The following THSD7A variants were observed in gnomAD, a reference collection of about 807,000 sequenced individuals.
The protein encoded by THSD7A is thrombospondin type 1 domain containing 7A, also known as thrombospondin type-1 domain-containing protein 7A.
In THSD7A, 96 loss-of-function variants were observed where a neutral mutation model predicts 231.3. That is an observed-to-expected ratio of 0.41 (90% CI 0.35 to 0.49). The LOEUF is 0.49. THSD7A is among the 20% of genes least tolerant of loss of function. The probability of loss-of-function intolerance (pLI) is 0.05; values close to 1 mark genes in which losing one functional copy is unlikely to be tolerated. For missense variants in THSD7A, 2,290 were observed against 2,070.2 expected, an observed-to-expected ratio of 1.11 and a Z score of -2.06; for synonymous variants, 940 against 743.3, an observed-to-expected ratio of 1.26 and a Z score of -4.30.
chr7:11,628,264 G>T (rs544290765), intron 2 of THSD7A, among the ~76,000 whole-genome samples: 5 of 152,094 alleles, frequency 3.3e-5, no homozygotes, highest in Non-Finnish European at 2.9e-5. Context: ...GACCTTTATA[G>T]GTTTTCTCCA....
At chr7:11,599,158 C>T (rs1181860758) in intron 2 of THSD7A, among the ~76,000 whole-genome samples, 1 of 152,168 alleles carries the variant, frequency 6.6e-6, no homozygotes, top group Non-Finnish European at 1.5e-5. Flanking sequence ...GCATGGAATA[C>T]AGGAGATCAA....
intron 6 of THSD7A, among the ~76,000 whole-genome samples, chr7:11,532,813 T>A (rs1022584184): frequency 1.3e-5 from 2 of 152,184 alleles, no homozygotes; most frequent in African/African-American, 4.8e-5. Context: ...GCAATTGGAA[T>A]TTAGAAGATG....
At chr7:11,595,437 T>G (rs1780326645) in intron 2 of THSD7A, among the ~76,000 whole-genome samples, 1 of 152,180 alleles carries the variant, frequency 6.6e-6, no homozygotes, top group Non-Finnish European at 1.5e-5. Context: ...GCATTTAATG[T>G]TCCAGCTTGG....
chr7:11,547,515 A>G (rs1416095095), intron 4 of THSD7A, among the ~76,000 whole-genome samples: 1 of 152,246 alleles, frequency 6.6e-6, no homozygotes, highest in Non-Finnish European at 1.5e-5. Flanking sequence ...AGACCTCCAC[A>G]GAACATTCCA....
chr7:11,406,363 C>T lies in THSD7A; in HGVS notation c.4174G>A (p.Glu1392Lys), dbSNP rs745348090. 3.7e-6 allele frequency: 6 copies of T among 1,613,936 alleles called. No individual in the cohort carries two copies. In the South Asian group the frequency reaches 4.4e-5, roughly 12 times the overall value. Residue 1392 changes from glutamate (E) to lysine (K), a missense_variant, in exon 22 of 28, where the codon GAA (glutamate) becomes AAA (lysine). Coordinates refer to ENST00000423059, the MANE Select transcript of THSD7A (RefSeq NM_015204.3). This position sits in a 1 kb window ranked among gnomAD's most constrained non-coding sequence, Gnocchi z 4.7. Reference sequence around the variant, plus strand: ...TTTTTATTACCATCTATAATGAGTTCAATGTCAGCACAGAATTCCTCATCC... The same window carrying T: ...TTTTTATTACCATCTATAATGAGTTTAATGTCAGCACAGAATTCCTCATCC... ...VVDEEFCADI[E>K]LIIDGNKNMV...
chr7:11,469,897 G>A lies in THSD7A; in HGVS notation c.2350C>T (p.Pro784Ser), dbSNP rs1468763040. 2 of 1,597,140 alleles carry A rather than the reference G, an allele frequency of 1.3e-6. No individual in the cohort carries two copies. The highest frequency in any genetic ancestry group is 1.3e-5 in the African/African-American group (1 of 74,788). The change falls in exon 9 of 28, where the codon CCC becomes TCC. Residue 784 changes from proline (P) to serine (S), a missense_variant. Transcript: ENST00000423059. ...VTPYSDWTSC[P>S]SSCKEGDSSI... ...ACCATACCTTCTTTACACGAAGAGG[G>A]GCATGATGTCCAGTCACTATATGGG...
chr7:11,635,681 T>C (rs2128359849), intron 2 of THSD7A, among the ~76,000 whole-genome samples: 1 of 152,242 alleles, frequency 6.6e-6, no homozygotes, highest in Middle Eastern at 3.4e-3. Flanking sequence ...CCCTGGGTTG[T>C]TGTTTAGAGC....
intron 4 of THSD7A, among the ~76,000 whole-genome samples, chr7:11,572,121 T>A (rs1383885933): frequency 6.6e-6 from 1 of 152,226 alleles, no homozygotes; most frequent in African/African-American, 2.4e-5. Context: ...CATCTCACTA[T>A]GTTGCCCAGG....
rs1421492474 is a variant in THSD7A at position 11,412,708 on chromosome 7, T to C, written c.3630A>G (p.Lys1210=). The C allele has an allele frequency of 6.2e-7, 1 of 1,613,868 alleles. No individual in the cohort carries two copies. The highest frequency in any genetic ancestry group is 1.7e-5 in the Admixed American group (1 of 59,988). Residue 1210 remains lysine, a synonymous_variant, in exon 18 of 28, where the codon AAA becomes AAG. Transcript: ENST00000423059. ...AGTTTTTGTTCAGGTTACAGGGTTC[T>C]TTCTCAACAGCATTAGGGCAAGATC... ...EGRSCPNAVE[K]EPCNLNKNCY...
chr7:11,646,297 T>C (rs878930333), intron 1 of THSD7A, among the ~76,000 whole-genome samples: 1 of 151,950 alleles, frequency 6.6e-6, no homozygotes, highest in South Asian at 2.1e-4. Flanking sequence ...GAAAGCAAAC[T>C]TGAGAGTTAT....
chr7:11,748,193 G>A (rs1375286781), intron 1 of THSD7A, among the ~76,000 whole-genome samples: 1 of 151,882 alleles, frequency 6.6e-6, no homozygotes, highest in Non-Finnish European at 1.5e-5. Context: ...AATGGAGATG[G>A]GTGGGTCATT....
chr7:11,682,368 G>A (rs556657572), intron 1 of THSD7A, among the ~76,000 whole-genome samples: 14 of 152,184 alleles, frequency 9.2e-5, no homozygotes, highest in African/African-American at 3.4e-4. Context: ...TATCTCAAAT[G>A]TAATGATGCC....
chr7:11,801,767 T>C (rs191604402), intron 1 of THSD7A, among the ~76,000 whole-genome samples: 20 of 152,320 alleles, frequency 1.3e-4, no homozygotes, highest in African/African-American at 4.6e-4. Context: ...GTCGTAATCA[T>C]GTTTTTCTAA....
Position 11,401,984 on chromosome 7 carries a change from T to A in THSD7A, c.4238-16A>T. The A allele has an allele frequency of 6.2e-7, 1 of 1,607,382 alleles. No homozygotes were observed. Among genetic ancestry groups the A allele is most frequent in the Non-Finnish European group, 8.5e-7 (1 of 1,176,928 alleles). ...TAACAGTCACCTGTAAAACACATAT[T>A]TGTAATTTACACCCATATCCACAGA... On this transcript the variant is annotated splice_polypyrimidine_tract_variant and intron_variant, in intron 22 of 27. Transcript: ENST00000423059.
chr7:11,604,171 C>A (rs973999786), intron 2 of THSD7A, among the ~76,000 whole-genome samples: 1 of 152,076 alleles, frequency 6.6e-6, no homozygotes, highest in African/African-American at 2.4e-5. Context: ...TAATCTGAGA[C>A]TTCAGAACAA....
At chr7:11,523,002 C>G (rs116921098) in intron 6 of THSD7A, among the ~76,000 whole-genome samples, 4,718 of 152,178 alleles carry the variant, frequency 0.031, 108 homozygotes, top group South Asian at 0.074. Context: ...TAAACAAACT[C>G]AGATGAACTA....
chr7:11,508,332 C>G (rs1033060275), intron 6 of THSD7A, among the ~76,000 whole-genome samples: 1 of 152,052 alleles, frequency 6.6e-6, no homozygotes, highest in Non-Finnish European at 1.5e-5. Flanking sequence ...TTCAGTGTCA[C>G]TAATCATCAG....
intron 4 of THSD7A, among the ~76,000 whole-genome samples, chr7:11,588,613 T>TG (rs1381041995): frequency 3.3e-5 from 5 of 152,184 alleles, no homozygotes; most frequent in Admixed American, 3.3e-4. Context: ...TAGCAGTGGT[T>TG]GGGGGGAGCT....
intron 22 of THSD7A, among the ~76,000 whole-genome samples, 183 bp from the exon 23 acceptor site, chr7:11,402,151 G>GTTA (rs762972345): frequency 2.6e-5 from 4 of 152,124 alleles, no homozygotes; most frequent in African/African-American, 4.8e-5. Context: ...TATATGTATT[G>GTTA]TTATTTTCCG....
Sources: allele counts gnomAD v4.1 joint callset (sites outside exome capture counted in the v4.1 genomes callset), GRCh38; gene constraint gnomAD v4.1.1; non-coding constraint Gnocchi (gnomAD v3.1); transcripts MANE v1.5; gene names NCBI Gene and HGNC (gene_info 2026-07-23, HGNC 2026-07-21).